Variants in PPCDC observed in about 807,000 individuals in gnomAD.
PPCDC encodes phosphopantothenoylcysteine decarboxylase.
A neutral mutation model predicts 20.7 loss-of-function variants in PPCDC; 20 were observed. That is an observed-to-expected ratio of 0.97 (90% CI 0.68 to 1.41). The LOEUF is 1.41. PPCDC is among the 40% of genes most tolerant of loss of function. The pLI is 0.00. For synonymous variants in PPCDC, 88 were observed against 100.3 expected (o/e 0.88, Z 0.73); for missense variants, 246 against 263.8 (o/e 0.93, Z 0.47).
intron 3 of PPCDC, 154 bp downstream of exon 3, chr15:75,043,690 T>G: frequency 1.5e-6 from 1 of 671,800 alleles, no homozygotes; most frequent in East Asian, 2.8e-5. Flanking sequence ...GAAGAAAACA[T>G]CTGTCTAGCT....
intron 4 of PPCDC, 85 bp from the exon 5 acceptor site, chr15:75,048,468 G>A: frequency 6.5e-7 from 1 of 1,530,566 alleles, no homozygotes. Flanking sequence ...CCTACAGCTG[G>A]GCTGCTGGCT....
At chr15:75,033,901 G>A (rs2066055221) in intron 2 of PPCDC, among the ~76,000 whole-genome samples, 1 of 152,112 alleles carries the variant, frequency 6.6e-6, no homozygotes, top group Non-Finnish European at 1.5e-5. Flanking sequence ...CACCTCCCTG[G>A]TTTCCTTCTT....
At chr15:75,031,296 G>T (rs2066018023) in intron 2 of PPCDC, among the ~76,000 whole-genome samples, 1 of 152,174 alleles carries the variant, frequency 6.6e-6, no homozygotes, top group African/African-American at 2.4e-5. Context: ...TAATTGAGTG[G>T]CAGTAAAATC....
chr15:75,038,946 C>G (rs898304079), intron 2 of PPCDC, among the ~76,000 whole-genome samples: 1 of 151,550 alleles, frequency 6.6e-6, no homozygotes, highest in African/African-American at 2.4e-5. Context: ...ATGTTAATTT[C>G]TAAGAGTTCT....
chr15:75,033,016 T>C (rs2066042453), intron 2 of PPCDC, among the ~76,000 whole-genome samples: 1 of 152,138 alleles, frequency 6.6e-6, no homozygotes, highest in Non-Finnish European at 1.5e-5. Flanking sequence ...TTGCCCAGGC[T>C]GGTCTCAAAC....
intron 2 of PPCDC, among the ~76,000 whole-genome samples, chr15:75,040,049 G>A (rs2066134413): frequency 6.6e-6 from 1 of 152,048 alleles, no homozygotes; most frequent in Non-Finnish European, 1.5e-5. Context: ...CTCCCAAAGT[G>A]GGATTACAGG....
intron 2 of PPCDC, among the ~76,000 whole-genome samples, chr15:75,039,531 C>T (rs985633476): frequency 6.6e-6 from 1 of 152,202 alleles, no homozygotes; most frequent in African/African-American, 2.4e-5. Flanking sequence ...CTCCTGTATT[C>T]AGCTATCTGC....
chr15:75,048,631 C>G lies in PPCDC; in HGVS notation c.439C>G (p.Pro147Ala). The part of the protein sequence containing the change: ...PAMNTAMWEH[P>A]ITAQQVDQLK... ...CATGAACACCGCCATGTGGGAGCAC[C>G]CGATCACAGCGCAGCAGGTAGACCA... The change falls in exon 5 of 6, where the codon CCG becomes GCG. Residue 147 changes from proline to alanine, a missense_variant. Pro to Ala is a conservative substitution (Grantham distance 27, BLOSUM62 -1). This residue lies in a region of PPCDC where 225 missense variants were observed against 222.6 expected (regional missense o/e 1.01). Coordinates refer to ENST00000342932, the MANE Select transcript of PPCDC (RefSeq NM_021823.5). The G allele has an allele frequency of 1.2e-6, 2 of 1,614,220 alleles. No homozygotes were observed. Among genetic ancestry groups the G allele is most frequent in the Non-Finnish European group, 1.7e-6 (2 of 1,180,040 alleles).
At chr15:75,030,366 T>G (rs545919301) in intron 2 of PPCDC, among the ~76,000 whole-genome samples, 3 of 152,350 alleles carry the variant, frequency 2.0e-5, no homozygotes, top group East Asian at 3.9e-4. Context: ...CACCCTGTCC[T>G]TTCCCCTTGT....
intron 2 of PPCDC, 32 bp from the exon 3 acceptor site, chr15:75,043,409 C>A: frequency 6.4e-7 from 1 of 1,573,274 alleles, no homozygotes; most frequent in East Asian, 2.3e-5. Context: ...TTTCTTCCTC[C>A]CTCCCCGCCA....
intron 4 of PPCDC, among the ~76,000 whole-genome samples, chr15:75,046,965 C>T (rs1224770172): frequency 6.6e-6 from 1 of 152,280 alleles, no homozygotes; most frequent in African/African-American, 2.4e-5. Context: ...GGCCTTCTCC[C>T]CTGCCCATGT....
In PPCDC at chr15:75,028,414, G is replaced by C. The variant is rs376544872; in HGVS notation, c.96G>C (p.Lys32Asn). Residue 32 changes from lysine to asparagine, a missense_variant, in exon 2 of 6, where the codon AAG becomes AAC. Physicochemically the swap from Lys to Asn is moderately conservative, Grantham distance 94. Around this residue, in one of 2 missense-constraint regions of PPCDC, gnomAD observed 225 missense variants for 222.6 expected, o/e 1.01. Coordinates refer to ENST00000342932, the MANE Select transcript of PPCDC (RefSeq NM_021823.5). Reference sequence around the variant, plus strand: ...TCACGGGGAGTGTCGCAGCCCTGAAGTTGCCTCTTCTGGTGTCAAAGCTTT... The same window carrying C: ...TCACGGGGAGTGTCGCAGCCCTGAACTTGCCTCTTCTGGTGTCAAAGCTTT... ...VGVTGSVAALKLPLLVSKLLD... is the reference protein window; with the variant it reads ...VGVTGSVAALNLPLLVSKLLD... The C allele has an allele frequency of 1.6e-5, 26 of 1,614,116 alleles. No individual in the cohort carries two copies. The highest frequency in any genetic ancestry group is 2.0e-5 in the Non-Finnish European group (24 of 1,180,046).
chr15:75,047,279 A>G (rs552572204), intron 4 of PPCDC, among the ~76,000 whole-genome samples: 7 of 152,154 alleles, frequency 4.6e-5, no homozygotes, highest in Non-Finnish European at 8.8e-5. Context: ...TGTGACTGAA[A>G]CTGTCCACTC....
chr15:75,032,732 C>CACA (rs988445597), intron 2 of PPCDC, among the ~76,000 whole-genome samples: 1 of 132,102 alleles, frequency 7.6e-6, no homozygotes, highest in African/African-American at 3.0e-5. Context: ...GGACCCCCCC[C>CACA]CCCAAGGCCA....
intron 2 of PPCDC, among the ~76,000 whole-genome samples, chr15:75,028,715 G>A (rs934721183): frequency 1.3e-5 from 2 of 152,106 alleles, no homozygotes; most frequent in African/African-American, 4.8e-5. Flanking sequence ...GGAGGGTTTG[G>A]GCTCCCATAC....
rs541064477 is a variant in PPCDC at position 75,049,303 on chromosome 15, A to G, written c.*68A>G. On this transcript the variant is annotated 3_prime_UTR_variant, in exon 6 of 6. Coordinates refer to ENST00000342932, the MANE Select transcript of PPCDC (RefSeq NM_021823.5). ...GTTCAGGCCAAGTCGGTGAAGATGG[A>G]TGTTGGCAAAATAGGAGGATACCCT... 6.8e-6 allele frequency: 10 copies of G among 1,467,404 alleles called. No homozygotes were observed. The highest frequency in any genetic ancestry group is 1.4e-5 in the African/African-American group (1 of 71,954). The allele number at this position is 1,467,404 out of a possible 1,614,324, so 90.9% of individuals were successfully genotyped here. A position where few individuals can be genotyped will look rare whatever the true frequency, so the allele number is the denominator to read the frequency against.
intron 1 of PPCDC, among the ~76,000 whole-genome samples, chr15:75,024,675 T>A (rs1450666177): frequency 6.6e-6 from 1 of 150,600 alleles, no homozygotes; most frequent in Non-Finnish European, 1.5e-5. Flanking sequence ...TTTTTTCTTT[T>A]CTTTTTTTTT....
chr15:75,028,906 T>C (rs1455701489), intron 2 of PPCDC, among the ~76,000 whole-genome samples: 1 of 152,122 alleles, frequency 6.6e-6, no homozygotes, highest in Non-Finnish European at 1.5e-5. Flanking sequence ...AGTCAAATGC[T>C]CTGAAACCCC....
intron 4 of PPCDC, among the ~76,000 whole-genome samples, chr15:75,045,417 A>G (rs912915067): frequency 1.3e-5 from 2 of 152,236 alleles, no homozygotes; most frequent in African/African-American, 4.8e-5. Flanking sequence ...ACCACCTTGC[A>G]TAGTGCTGGG....
Sources: gnomAD v4.1 joint callset for allele counts (sites outside exome capture counted in the v4.1 genomes callset) on GRCh38, gnomAD v4.1.1 for gene constraint, gnomAD v4.1.1 regional missense constraint, MANE v1.5 for transcripts, NCBI Gene and HGNC (gene_info 2026-07-23, HGNC 2026-07-21) for gene names.